HNRNPUL2: variants seen among roughly 807,000 people sequenced by gnomAD.
The protein encoded by HNRNPUL2 is heterogeneous nuclear ribonucleoprotein U-like protein 2.
HNRNPUL2 carries 27 observed loss-of-function variants against 102.2 expected under a neutral mutation model. The observed-to-expected ratio is 0.26, with a 90% CI of 0.19 to 0.36. The LOEUF (loss-of-function observed/expected upper bound fraction) is 0.36. Ranked by LOEUF, HNRNPUL2 falls within the 10% of genes least tolerant of loss-of-function variation. The probability of loss-of-function intolerance (pLI) is 1.00; values close to 1 mark genes in which losing one functional copy is unlikely to be tolerated. For synonymous variants in HNRNPUL2, 458 were observed against 387.2 expected (o/e 1.18, Z -2.15); for missense variants, 936 against 981.1 (o/e 0.95, Z 0.61).
At chr11:62,716,027 C>G (rs2083657582) in intron 11 of HNRNPUL2, 90 bp from the exon 12 acceptor site, 8 of 972,754 alleles carry the variant, frequency 8.2e-6, no homozygotes, top group Admixed American at 2.8e-5. Flanking sequence ...GAGCCAAAGG[C>G]AATTCTGGGG....
rs1418388440 is a variant in HNRNPUL2 at position 62,723,685 on chromosome 11, C to T, written c.793G>A (p.Gly265Arg). 3 of 1,614,080 alleles carry T rather than the reference C, an allele frequency of 1.9e-6. No homozygotes were observed. Among genetic ancestry groups the T allele is most frequent in the Non-Finnish European group, 2.5e-6 (3 of 1,180,042 alleles). ...TTCTCTGAGAAAAGTGGCTGCCCTC[C>T]ATAGCGGTCTTTGCTCACTTGAAAA... ...LHFQVSKDRYGGQPLFSEKFP... is the reference protein window; with the variant it reads ...LHFQVSKDRYRGQPLFSEKFP... The change falls in exon 4 of 14, where the codon GGA (glycine) becomes AGA (arginine). Residue 265 changes from glycine to arginine, a missense_variant. Physicochemically the swap from Gly to Arg is moderately radical, Grantham distance 125 (BLOSUM62 -2). This residue lies in a region of HNRNPUL2 where 609 missense variants were observed against 713.0 expected (regional missense o/e 0.85). Transcript: ENST00000301785.
rs1343992220 is a variant in HNRNPUL2, at chr11:62,722,359, C to G, written c.1117G>C (p.Glu373Gln). Residue 373 changes from glutamate to glutamine, a missense_variant, in exon 7 of 14, where the codon GAA becomes CAA. This residue lies in a region of HNRNPUL2 where 609 missense variants were observed against 713.0 expected (regional missense o/e 0.85). Transcript: ENST00000301785. ...TCTCCATTCTTGGAGAAGGAAAGTTCTACTTCTTCAGTCTCAAAATTCTAC... is the reference window on the plus strand; with the variant it reads ...TCTCCATTCTTGGAGAAGGAAAGTTGTACTTCTTCAGTCTCAAAATTCTAC... Reference protein sequence around the residue: ...CFANFETEEVELSFSKNGEDL... With the variant: ...CFANFETEEVQLSFSKNGEDL... 5.6e-6 allele frequency: 9 copies of G among 1,613,768 alleles called. No individual in the cohort carries two copies. Among genetic ancestry groups the G allele is most frequent in the African/African-American group, 1.3e-5 (1 of 74,894 alleles).
chr11:62,715,831 C>T, intron 12 of HNRNPUL2, 33 bp downstream of exon 12: 1 of 1,593,444 alleles, frequency 6.3e-7, no homozygotes, highest in Non-Finnish European at 8.6e-7. Flanking sequence ...TCTCACAGCC[C>T]AGAGTGAGGA....
At chr11:62,718,176 T>C (rs926948881) in intron 10 of HNRNPUL2, among the ~76,000 whole-genome samples, 1 of 151,996 alleles carries the variant, frequency 6.6e-6, no homozygotes, top group African/African-American at 2.4e-5. Context: ...CTCGGTGGGA[T>C]GTCAGGAACT....
At chr11:62,719,234 G>C (rs1225176693) in intron 10 of HNRNPUL2, among the ~76,000 whole-genome samples, 3 of 152,160 alleles carry the variant, frequency 2.0e-5, no homozygotes, top group African/African-American at 4.8e-5. Context: ...CAAATCACCT[G>C]AAGTCAGGAG....
intron 4 of HNRNPUL2, 69 bp downstream of exon 4, chr11:62,723,518 T>C: frequency 1.4e-6 from 2 of 1,446,716 alleles, no homozygotes; most frequent in African/African-American, 1.4e-5. Flanking sequence ...TAATCTTCTT[T>C]TCCCCCTCTA....
In HNRNPUL2 at chr11:62,721,874, G is replaced by A. The variant is rs769669511; in HGVS notation, c.1428C>T (p.Asn476=). 5 of 1,613,986 alleles carry A rather than the reference G, an allele frequency of 3.1e-6. No homozygotes were observed. Among genetic ancestry groups the A allele is most frequent in the South Asian group, 1.1e-5 (1 of 91,082 alleles). The change falls in exon 8 of 14, where the codon AAC becomes AAT. Residue 476 remains asparagine (N), a synonymous_variant. Transcript: ENST00000301785. Reference sequence around the variant, plus strand: ...CCAGGACATTGTATCTTTTCTCAGGGTTTTCTTTTGCATATTTCAGTGCCC... The same window carrying A: ...CCAGGACATTGTATCTTTTCTCAGGATTTTCTTTTGCATATTTCAGTGCCC... ...TQWALKYAKE[N]PEKRYNVLGA...
chr11:62,721,465 A>G (rs781043420), intron 8 of HNRNPUL2, 42 bp from the exon 9 acceptor site: 5 of 1,537,692 alleles, frequency 3.3e-6, no homozygotes, highest in Non-Finnish European at 4.4e-6. Flanking sequence ...AACAAAACAC[A>G]AGTTATATTG....
intron 1 of HNRNPUL2, among the ~76,000 whole-genome samples, chr11:62,725,446 C>T (rs2083738023): frequency 6.6e-6 from 1 of 152,234 alleles, no homozygotes; most frequent in African/African-American, 2.4e-5. Context: ...GTGATCCACC[C>T]GCCTGGCCTC....
intron 11 of HNRNPUL2, among the ~76,000 whole-genome samples, chr11:62,716,194 G>C (rs2083658969): frequency 6.6e-6 from 1 of 152,194 alleles, no homozygotes; most frequent in Non-Finnish European, 1.5e-5. Context: ...AAACATTTAA[G>C]ATGGCAAAAG....
At position 62,726,992 on chromosome 11, in the gene HNRNPUL2, CCCGCCGGGCCCGGCCCCGCCG is replaced by C. The variant is rs1209396514; in HGVS notation, c.144_164del (p.Gly49_Gly55del). 5.7e-5 allele frequency: 78 copies of C among 1,360,250 alleles called. 1 individual carries two copies. The highest frequency in any genetic ancestry group is 6.7e-5 in the Non-Finnish European group (71 of 1,060,916). The allele number at this position is 1,360,250 out of a possible 1,614,324, so 84.3% of individuals were successfully genotyped here. ...CAGGCCGAGGCTCCGCCTTGCAGGC[CCCGCCGGGCCCGGCCCCGCCG>C]CCGCCGGCCTCGTCCTCGAGCATCT... On this transcript the variant is annotated inframe_deletion, in exon 1 of 14. Transcript: ENST00000301785.
intron 10 of HNRNPUL2, among the ~76,000 whole-genome samples, chr11:62,719,717 A>G (rs955151766): frequency 1.2e-4 from 18 of 152,158 alleles, no homozygotes; most frequent in Non-Finnish European, 1.6e-4. Context: ...TTAATCCCCA[A>G]TGAGCAGTAT....
chr11:62,715,305 A>G lies in HNRNPUL2; in HGVS notation c.2238T>C (p.Tyr746=). 1 of 1,611,988 alleles carries G rather than the reference A, an allele frequency of 6.2e-7. No individual in the cohort carries two copies. Among genetic ancestry groups the G allele is most frequent in the Non-Finnish European group, 8.5e-7 (1 of 1,179,210 alleles). ...YYRNYYGYQG[Y]R ...GGTGACCATGGCAGGGGCTTCACCG[A>G]TACCCTTGGTACCCGTAGTAATTCC... The change falls in exon 14 of 14, where the codon TAT becomes TAC. Residue 746 remains tyrosine (Y), a synonymous_variant. Transcript: ENST00000301785.
Position 62,720,201 on chromosome 11 carries a change from G to A in HNRNPUL2, c.1612-10C>T, listed in dbSNP as rs754122459. Reference sequence around the variant, plus strand: ...AATTGTACACATTACACTAAGAACAGGAGGAATAACTGATGTTTAGGAAGA... The same window carrying A: ...AATTGTACACATTACACTAAGAACAAGAGGAATAACTGATGTTTAGGAAGA... On this transcript the variant is annotated splice_polypyrimidine_tract_variant and intron_variant, in intron 9 of 13. Coordinates refer to ENST00000301785, the MANE Select transcript of HNRNPUL2 (RefSeq NM_001079559.3). The A allele has an allele frequency of 5.0e-6, 8 of 1,612,072 alleles. No individual in the cohort carries two copies. Among genetic ancestry groups the A allele is most frequent in the African/African-American group, 2.7e-5 (2 of 74,972 alleles).
rs2083629043 is a variant in HNRNPUL2, at chr11:62,712,711, A to G, written c.*2588T>C. ...TTCGCCAGAATGGTGTAATGAGAAC[A>G]GGGGAGGAAAAAGTTACAGATGTAA... On this transcript the variant is annotated 3_prime_UTR_variant, in exon 14 of 14. Transcript: ENST00000301785. 1.3e-5 allele frequency: 2 copies of G among 152,230 alleles called. No homozygotes were observed. The highest frequency in any genetic ancestry group is 4.8e-5 in the African/African-American group (2 of 41,454). 9.4% of individuals were successfully genotyped at this position (152,230 alleles called of 1,614,324 possible). A position where few individuals can be genotyped will look rare whatever the true frequency, so the allele number is the denominator to read the frequency against.
chr11:62,716,244 T>C (rs2083659157), intron 11 of HNRNPUL2, among the ~76,000 whole-genome samples: 1 of 152,182 alleles, frequency 6.6e-6, no homozygotes, highest in African/African-American at 2.4e-5. Flanking sequence ...AAAACTGCCA[T>C]TCATAGAATC....
At position 62,726,905 on chromosome 11, in the gene HNRNPUL2, CTCCTCCTCCTCCTCTTCG is replaced by C; in HGVS notation, c.234_251del (p.Asp78_Glu83del). The C allele has an allele frequency of 6.6e-7, 1 of 1,507,326 alleles. No homozygotes were observed. Among genetic ancestry groups the C allele is most frequent in the Non-Finnish European group, 8.8e-7 (1 of 1,134,098 alleles). 93.4% of individuals were successfully genotyped at this position (1,507,326 alleles called of 1,614,324 possible). On this transcript the variant is annotated inframe_deletion, in exon 1 of 14. Coordinates refer to ENST00000301785, the MANE Select transcript of HNRNPUL2 (RefSeq NM_001079559.3). ...CGTCCTCAAGCAGCGCCTCCTCGTC[CTCCTCCTCCTCCTCTTCG>C]TCCTCCTCCTCGTCCCCGCCCGGGC...
intron 10 of HNRNPUL2, among the ~76,000 whole-genome samples, chr11:62,717,594 G>A (rs773850600): frequency 3.9e-5 from 6 of 152,186 alleles, no homozygotes; most frequent in Non-Finnish European, 5.9e-5. Context: ...GGTGGCTCAC[G>A]CCTGTAATCC....
At position 62,727,195 on chromosome 11, in the gene HNRNPUL2, C is replaced by A. The variant is rs1266291253; in HGVS notation, c.-39G>T. 2.2e-6 allele frequency: 3 copies of A among 1,380,180 alleles called. No individual in the cohort carries two copies. The highest frequency in any genetic ancestry group is 1.5e-5 in the South Asian group (1 of 65,344). 85.5% of individuals were successfully genotyped at this position (1,380,180 alleles called of 1,614,324 possible). A position where few individuals can be genotyped will look rare whatever the true frequency, so the allele number is the denominator to read the frequency against. Reference sequence around the variant, plus strand: ...TCCTCCGCCTCCCGCCGCCTCCTCCCCTGCGAACCGTCGACCGAGTCCGAC... The same window carrying A: ...TCCTCCGCCTCCCGCCGCCTCCTCCACTGCGAACCGTCGACCGAGTCCGAC... On this transcript the variant is annotated 5_prime_UTR_variant, in exon 1 of 14. Coordinates refer to ENST00000301785, the MANE Select transcript of HNRNPUL2 (RefSeq NM_001079559.3).
Sources: allele counts gnomAD v4.1 joint callset (sites outside exome capture counted in the v4.1 genomes callset), GRCh38; gene constraint gnomAD v4.1.1; regional missense constraint gnomAD v4.1.1; transcripts MANE v1.5; gene names NCBI Gene and HGNC (gene_info 2026-07-23, HGNC 2026-07-21).